WDR20: variants seen among roughly 807,000 people sequenced by gnomAD.
WDR20 encodes WD repeat-containing protein 20.
WDR20 carries 3 observed loss-of-function variants against 38.7 expected under a neutral mutation model. That is an observed-to-expected ratio of 0.08 (90% CI 0.04 to 0.20). The LOEUF (loss-of-function observed/expected upper bound fraction) is 0.20, where lower values mean the gene tolerates loss of function less well. WDR20 is among the 10% of genes least tolerant of loss of function. The pLI, the probability that WDR20 is intolerant of heterozygous loss-of-function variation, is 1.00. For synonymous variants in WDR20, 298 were observed against 285.6 expected (o/e 1.04, Z -0.44); for missense variants, 559 against 727.7 (o/e 0.77, Z 2.67).
chr14:102,148,930 G>C (rs1306115478), intron 1 of WDR20, among the ~76,000 whole-genome samples: 1 of 152,138 alleles, frequency 6.6e-6, no homozygotes, highest in Non-Finnish European at 1.5e-5. Context: ...GGGAGGCCGA[G>C]GCGGGCGGAT....
chr14:102,217,997 G>A (rs927520311), downstream of WDR20, among the ~76,000 whole-genome samples: 3 of 152,226 alleles, frequency 2.0e-5, no homozygotes, highest in African/African-American at 7.2e-5. Context: ...TCCCTCTGGG[G>A]GACGCCAGTG....
Position 102,209,608 on chromosome 14 carries a change from C to T in WDR20, c.1438C>T (p.Arg480Ter). 2 of 1,614,132 alleles carry T rather than the reference C, an allele frequency of 1.2e-6. No individual in the cohort carries two copies. Among genetic ancestry groups the T allele is most frequent in the Non-Finnish European group, 1.7e-6 (2 of 1,180,042 alleles). The change falls in exon 3 of 3, where the codon CGA (arginine) becomes TGA (stop). Residue 480 changes from arginine to a stop codon, truncating the protein, a stop_gained. Coordinates refer to ENST00000342702, the MANE Select transcript of WDR20 (RefSeq NM_144574.4). LOFTEE classifies it high-confidence loss of function. The surrounding 1 kb of genome is among the most constrained non-coding windows in gnomAD (Gnocchi z 6.0). ...GAGGCACCACGAGAAAGATCACAAGCGAAATCATAGCATGGGACACATTTC... is the reference window on the plus strand; with the variant it reads ...GAGGCACCACGAGAAAGATCACAAGTGAAATCATAGCATGGGACACATTTC... ...KERHHEKDHK[R>*]NHSMGHISSK...
downstream of WDR20, chr14:102,214,313 A>T (rs2062940096): frequency 1.0e-6 from 1 of 985,344 alleles, no homozygotes; most frequent in South Asian, 4.7e-5. Context: ...CTTTAAGTTA[A>T]CAAGGTGCAC....
downstream of WDR20, among the ~76,000 whole-genome samples, chr14:102,223,825 C>G (rs1320363410): frequency 6.6e-6 from 1 of 152,086 alleles, no homozygotes; most frequent in Non-Finnish European, 1.5e-5. Context: ...GAATATGGCT[C>G]AGGAGGGCGT....
chr14:102,143,569 A>C (rs1157679238), intron 1 of WDR20, among the ~76,000 whole-genome samples: 1 of 151,308 alleles, frequency 6.6e-6, no homozygotes, highest in Non-Finnish European at 1.5e-5. Flanking sequence ...TTTTGAGACA[A>C]AGTCTAGCTC....
chr14:102,213,292 T>C (rs537950219), downstream of WDR20: 344 of 985,476 alleles, frequency 3.5e-4, 1 homozygote, highest in African/African-American at 5.4e-3. Context: ...AAAGCTTGCC[T>C]TCTTTTAAAA....
At chr14:102,142,086 G>A (rs1488833694) in intron 1 of WDR20, among the ~76,000 whole-genome samples, 2 of 152,096 alleles carry the variant, frequency 1.3e-5, no homozygotes, top group Non-Finnish European at 2.9e-5. Flanking sequence ...AGGAGGCAAG[G>A]TTTTTAAAAC....
At chr14:102,200,143 C>T (rs1196008517) in intron 2 of WDR20, among the ~76,000 whole-genome samples, 2 of 152,234 alleles carry the variant, frequency 1.3e-5, no homozygotes, top group Non-Finnish European at 2.9e-5. Flanking sequence ...CTGTTCAAGA[C>T]CCAAAGAAAG....
At chr14:102,198,149 G>A (rs956582621) in intron 2 of WDR20, among the ~76,000 whole-genome samples, 4 of 144,964 alleles carry the variant, frequency 2.8e-5, no homozygotes, top group Non-Finnish European at 6.0e-5. Flanking sequence ...TTATTTATGA[G>A]ACAGAGTCTT....
At chr14:102,148,696 TGTGTGTG>T (rs747900510) in intron 1 of WDR20, among the ~76,000 whole-genome samples, 3 of 151,314 alleles carry the variant, frequency 2.0e-5, no homozygotes, top group South Asian at 4.2e-4. Flanking sequence ...TGTGTGTGTG[TGTGTGTG>T]TGTGTTTGGA....
intron 2 of WDR20, 128 bp downstream of exon 2, chr14:102,195,248 G>C: frequency 2.1e-6 from 2 of 951,124 alleles, no homozygotes; most frequent in Non-Finnish European, 3.1e-6. Context: ...CTCCTACCTA[G>C]TATGCCCAAG....
Position 102,208,859 on chromosome 14 carries a change from C to A in WDR20, c.689C>A (p.Pro230Gln), listed in dbSNP as rs769797696. ...EGALNEFAFS[P>Q]DGKFLACVSQ... ...GCCCTCAACGAGTTTGCTTTCTCCC[C>A]AGATGGCAAGTTCTTAGCGTGCGTG... Residue 230 changes from proline (P) to glutamine (Q), a missense_variant, in exon 3 of 3, where the codon CCA becomes CAA. Pro to Gln is a moderately conservative substitution (Grantham distance 76). Coordinates refer to ENST00000342702, the MANE Select transcript of WDR20 (RefSeq NM_144574.4). This position sits in a 1 kb window ranked among gnomAD's most constrained non-coding sequence, Gnocchi z 5.6. The A allele has an allele frequency of 6.2e-7, 1 of 1,614,228 alleles. No individual in the cohort carries two copies. Among genetic ancestry groups the A allele is most frequent in the Non-Finnish European group, 8.5e-7 (1 of 1,180,050 alleles).
At chr14:102,180,162 T>G (rs1224857079) in intron 1 of WDR20, among the ~76,000 whole-genome samples, 1 of 152,120 alleles carries the variant, frequency 6.6e-6, no homozygotes, top group African/African-American at 2.4e-5. Context: ...ACAATAATAA[T>G]AATAACAGCC....
In WDR20 at chr14:102,184,872, G is replaced by A. The variant is rs148402065; in HGVS notation, c.250-10066G>A. ...CGCAGCCCCTTGAACGTGGTTGGCC[G>A]GGGCTCATTCCAGGTCAGAGCCCAT... On this transcript the variant is annotated intron_variant, in intron 1 of 2. Coordinates refer to ENST00000342702, the MANE Select transcript of WDR20 (RefSeq NM_144574.4). Among the ~76,000 whole-genome samples the A allele has an allele frequency of 6.7e-3, 1,015 of 152,200 alleles. 7 individuals are homozygous for A. Among genetic ancestry groups the A allele is most frequent in the African/African-American group, 0.023 (953 of 41,518 alleles).
At position 102,163,281 on chromosome 14, in the gene WDR20, A is replaced by C. The variant is rs536990068; in HGVS notation, c.249+23109A>C. 9.9e-5 allele frequency among the ~76,000 whole-genome samples: 15 copies of C among 152,246 alleles called. No individual in the cohort carries two copies. The East Asian group carries it at 2.9e-3, about 29-fold the overall frequency. ...GACTTCCACCAGATACCAGCGCCAT[A>C]TTCTTGGAGTACCCAGCCATCAGAA... On this transcript the variant is annotated intron_variant, in intron 1 of 2. Transcript: ENST00000342702.
chr14:102,184,599 T>C (rs11850202), intron 1 of WDR20, among the ~76,000 whole-genome samples: 22,911 of 151,998 alleles, frequency 0.15, 2,660 homozygotes, highest in African/African-American at 0.32. Context: ...AGGAGGGGCT[T>C]TTGCTGGCCC....
chr14:102,139,707 C>T, upstream of WDR20: 1 of 724,192 alleles, frequency 1.4e-6, no homozygotes. Flanking sequence ...CCTGCGGACG[C>T]CCAGTCGGGT....
chr14:102,183,098 AT>A lies in WDR20; in HGVS notation c.250-11832del, dbSNP rs148160096. 4.6e-3 allele frequency among the ~76,000 whole-genome samples: 697 copies of A among 152,066 alleles called. 6 individuals are homozygous for A. Among genetic ancestry groups the A allele is most frequent in the African/African-American group, 0.015 (642 of 41,480 alleles). The stretch of plus-strand genomic sequence containing the variant: ...AAAAAAAGAAAGTTGTGCCATGAAC[AT>A]TTTTTTTAGGTTATTTGAGGATATT... On this transcript the variant is annotated intron_variant, in intron 1 of 2. Coordinates refer to ENST00000342702, the MANE Select transcript of WDR20 (RefSeq NM_144574.4).
At chr14:102,177,291 G>A (rs1291017855) in intron 1 of WDR20, among the ~76,000 whole-genome samples, 2 of 152,100 alleles carry the variant, frequency 1.3e-5, no homozygotes, top group Non-Finnish European at 2.9e-5. Context: ...ACTTGCCAAT[G>A]CCATTGCCCA....
Sources: gnomAD v4.1 joint callset for allele counts (sites outside exome capture counted in the v4.1 genomes callset) on GRCh38, gnomAD v4.1.1 for gene constraint, Gnocchi (gnomAD v3.1) non-coding constraint, MANE v1.5 for transcripts, NCBI Gene and HGNC (gene_info 2026-07-23, HGNC 2026-07-21) for gene names.